The following ZNF503 variants were observed in gnomAD, a reference collection of about 807,000 sequenced individuals.
ZNF503 encodes zinc finger protein 503, also known as NocA-like zinc finger 2.
ZNF503 carries 15 observed loss-of-function variants against 34.4 expected under a neutral mutation model. That is an observed-to-expected ratio of 0.44 (90% confidence interval 0.29 to 0.67). The LOEUF (loss-of-function observed/expected upper bound fraction) is 0.67. Ranked by LOEUF, ZNF503 falls within the 30% of genes least tolerant of loss-of-function variation. ZNF503 has a pLI of 0.13. For synonymous variants in ZNF503, 580 were observed against 456.8 expected (o/e 1.27, Z -3.44); for missense variants, 1,007 against 926.8 (o/e 1.09, Z -1.12).
At chr10:75,359,906 C>A in the ZNF503 span, among the ~76,000 whole-genome samples, 1 of 152,040 alleles carries the variant, frequency 6.6e-6, no homozygotes, top group African/African-American at 2.4e-5. Flanking sequence ...TCATTTGCTC[C>A]CGAGGGACAG....
the ZNF503 span, among the ~76,000 whole-genome samples, chr10:75,310,792 A>C: frequency 6.6e-6 from 1 of 152,152 alleles, no homozygotes; most frequent in Non-Finnish European, 1.5e-5. Flanking sequence ...CTAGACTACT[A>C]CCTGCACCTA....
chr10:75,341,219 A>G, the ZNF503 span, among the ~76,000 whole-genome samples: 4 of 152,212 alleles, frequency 2.6e-5, no homozygotes, highest in Non-Finnish European at 2.9e-5. Flanking sequence ...AAACTCTTTT[A>G]AAGTTGTAAA....
At chr10:75,328,813 C>T in the ZNF503 span, among the ~76,000 whole-genome samples, 5 of 136,676 alleles carry the variant, frequency 3.7e-5, no homozygotes, top group African/African-American at 5.6e-5. Flanking sequence ...GTGGTGTGAT[C>T]TCGGCTCACT....
downstream of ZNF503, among the ~76,000 whole-genome samples, chr10:75,395,519 G>C (rs1168834648): frequency 1.3e-5 from 2 of 152,182 alleles, no homozygotes; most frequent in East Asian, 3.9e-4. The surrounding 1 kb of genome is among the most constrained non-coding windows in gnomAD (Gnocchi z 4.4). Flanking sequence ...CTCCGCCCGG[G>C]CTCCAGCCGC....
At chr10:75,351,527 G>C in the ZNF503 span, among the ~76,000 whole-genome samples, 1 of 152,166 alleles carries the variant, frequency 6.6e-6, no homozygotes, top group African/African-American at 2.4e-5. Context: ...CCTCACTGGG[G>C]CTGAGGACTC....
the ZNF503 span, among the ~76,000 whole-genome samples, chr10:75,325,296 G>A: frequency 1.3e-5 from 2 of 150,416 alleles, no homozygotes; most frequent in South Asian, 2.1e-4. Flanking sequence ...TGATCTACAT[G>A]TCTATCTTTT....
chr10:75,316,134 A>G, the ZNF503 span, among the ~76,000 whole-genome samples: 2 of 152,222 alleles, frequency 1.3e-5, no homozygotes, highest in South Asian at 4.1e-4. Flanking sequence ...AGTGGACTTC[A>G]ATGCCCCACT....
At chr10:75,338,496 GGAT>G in the ZNF503 span, 2 of 152,322 alleles carry the variant, frequency 1.3e-5, no homozygotes, top group East Asian at 3.9e-4. Context: ...AACATTGTAA[GGAT>G]CTAATTGATG....
rs1293601907 is a variant in ZNF503 at position 75,401,219 on chromosome 10, G to A, written c.201C>T (p.Arg67=). The change falls in exon 1 of 2, where the codon CGC becomes CGT. Residue 67 remains arginine, a synonymous_variant. Transcript: ENST00000372524. ...CCTTGATTGGCAGGCGGTTGGCCTG[G>A]CGCAGGGGGTCAGAGGGGGGCACGG... ...VHAVPPSDPL[R]QANRLPIKVL... The A allele has an allele frequency of 5.0e-6, 8 of 1,608,036 alleles. No individual in the cohort carries two copies. Among genetic ancestry groups the A allele is most frequent in the Non-Finnish European group, 6.8e-6 (8 of 1,176,758 alleles).
At chr10:75,282,699 C>G in the ZNF503 span, among the ~76,000 whole-genome samples, 1 of 152,158 alleles carries the variant, frequency 6.6e-6, no homozygotes, top group East Asian at 1.9e-4. Flanking sequence ...ATAAGGGGCT[C>G]TCAAGATCTC....
the ZNF503 span, among the ~76,000 whole-genome samples, chr10:75,392,706 G>C: frequency 6.6e-6 from 1 of 152,216 alleles, no homozygotes; most frequent in Non-Finnish European, 1.5e-5. Context: ...AGATTGTGGA[G>C]TGAAGCTCTA....
the ZNF503 span, among the ~76,000 whole-genome samples, chr10:75,345,016 G>A: frequency 1.3e-5 from 2 of 152,232 alleles, no homozygotes; most frequent in Admixed American, 6.5e-5. Flanking sequence ...TGATATATCA[G>A]TGATGTTAAA....
In ZNF503 at chr10:75,398,072, C is replaced by G. The variant is rs184460937; in HGVS notation, c.*677G>C. 1 of 151,888 alleles carries G rather than the reference C, an allele frequency of 6.6e-6. No homozygotes were observed. Among genetic ancestry groups the G allele is most frequent in the Non-Finnish European group, 1.5e-5 (1 of 67,952 alleles). The allele number at this position is 151,888 out of a possible 1,614,324, so 9.4% of individuals were successfully genotyped here. A position where few individuals can be genotyped will look rare whatever the true frequency, so the allele number is the denominator to read the frequency against. ...TTCCAGAATACATACAAAAAAATAC[C>G]CATTCTCTTCGATGGTATACACCTT... On this transcript the variant is annotated 3_prime_UTR_variant, in exon 2 of 2. Transcript: ENST00000372524.
At chr10:75,306,823 A>G in the ZNF503 span, among the ~76,000 whole-genome samples, 2 of 152,098 alleles carry the variant, frequency 1.3e-5, no homozygotes, top group Admixed American at 1.3e-4. Flanking sequence ...TATTATTGTA[A>G]TTGTTTTAGG....
At chr10:75,342,286 GT>G in the ZNF503 span, among the ~76,000 whole-genome samples, 1 of 152,158 alleles carries the variant, frequency 6.6e-6, no homozygotes, top group South Asian at 2.1e-4. Flanking sequence ...ACGAGGGTGG[GT>G]TTCAGCTCCC....
chr10:75,385,707 C>T, the ZNF503 span, among the ~76,000 whole-genome samples: 6 of 152,148 alleles, frequency 3.9e-5, no homozygotes, highest in Non-Finnish European at 7.3e-5. Context: ...CAACCACAGT[C>T]GAGGAAGGAG....
the ZNF503 span, among the ~76,000 whole-genome samples, chr10:75,374,511 C>T: frequency 2.0e-5 from 3 of 152,122 alleles, no homozygotes; most frequent in Non-Finnish European, 2.9e-5. Context: ...AGCTTTCCAC[C>T]CAGCTCACAC....
At chr10:75,394,153 A>G (rs576490166), downstream of ZNF503, among the ~76,000 whole-genome samples, 6 of 152,350 alleles carry the variant, frequency 3.9e-5, no homozygotes, top group East Asian at 1.2e-3. Context: ...AACGAGGTGA[A>G]GATTCTTTTA....
the ZNF503 span, among the ~76,000 whole-genome samples, chr10:75,325,139 A>C: frequency 3.9e-5 from 6 of 152,044 alleles, no homozygotes; most frequent in Admixed American, 2.0e-4. Context: ...TTTTTGTATA[A>C]GGCGTGAGGT....
Sources: allele counts gnomAD v4.1 joint callset (sites outside exome capture counted in the v4.1 genomes callset), GRCh38; gene constraint gnomAD v4.1.1; non-coding constraint Gnocchi (gnomAD v3.1); transcripts MANE v1.5; gene names NCBI Gene and HGNC (gene_info 2026-07-23, HGNC 2026-07-21).